The following SLC7A11 variants were observed in gnomAD, a reference collection of about 807,000 sequenced individuals.
The protein encoded by SLC7A11 is solute carrier family 7 member 11, also known as cystine/glutamate transporter.
Under a neutral mutation model 54.5 loss-of-function variants are expected in SLC7A11, and 35 were observed. The observed-to-expected ratio is 0.64, with a 90% CI of 0.49 to 0.85. The LOEUF (loss-of-function observed/expected upper bound fraction) is 0.85, where lower values mean the gene tolerates loss of function less well. SLC7A11 is among the 40% of genes least tolerant of loss of function. The pLI is 0.00. For synonymous variants in SLC7A11, 230 were observed against 225.2 expected (o/e 1.02, Z -0.19); for missense variants, 583 against 618.1 (o/e 0.94, Z 0.60).
Position 138,170,896 on chromosome 4 carries a change from A to C in SLC7A11, c.*1060T>G, listed in dbSNP as rs1736409281. 2 of 152,142 alleles carry C rather than the reference A, an allele frequency of 1.3e-5. No homozygotes were observed. 9.4% of individuals were successfully genotyped at this position (152,142 alleles called of 1,614,324 possible). ...TTCATCTGAAGAGATATTTTAACAGAAGAATATAAAATGTATAAAGAAAAT... is the reference window on the plus strand; with the variant it reads ...TTCATCTGAAGAGATATTTTAACAGCAGAATATAAAATGTATAAAGAAAAT... On this transcript the variant is annotated 3_prime_UTR_variant, in exon 12 of 12. Coordinates refer to ENST00000280612, the MANE Select transcript of SLC7A11 (RefSeq NM_014331.4).
intron 2 of SLC7A11, 70 bp from the exon 3 acceptor site, chr4:138,232,452 C>T: frequency 4.9e-6 from 4 of 819,284 alleles, no homozygotes; most frequent in Non-Finnish European, 8.1e-6. Flanking sequence ...TTTTTTCTAC[C>T]TTGAGTGTAT....
intron 6 of SLC7A11, among the ~76,000 whole-genome samples, chr4:138,198,797 C>G (rs1394172103): frequency 6.6e-6 from 1 of 152,138 alleles, no homozygotes; most frequent in Non-Finnish European, 1.5e-5. Flanking sequence ...GGAATGTTTT[C>G]AATGTCCAAC....
rs1485279139 is a variant in SLC7A11 at position 138,169,763 on chromosome 4, C to T, written c.*2193G>A. ...AGGAATATGAAAGAAATTCTTACCT[C>T]CAGCAACATATCATAGGGAGAGATG... On this transcript the variant is annotated 3_prime_UTR_variant, in exon 12 of 12. Coordinates refer to ENST00000280612, the MANE Select transcript of SLC7A11 (RefSeq NM_014331.4). 6.6e-6 allele frequency: 1 copy of T among 151,800 alleles called. No individual in the cohort carries two copies. Among genetic ancestry groups the T allele is most frequent in the Non-Finnish European group, 1.5e-5 (1 of 67,986 alleles). 9.4% of individuals were successfully genotyped at this position (151,800 alleles called of 1,614,324 possible). A position where few individuals can be genotyped will look rare whatever the true frequency, so the allele number is the denominator to read the frequency against.
chr4:138,241,273 A>T, intron 1 of SLC7A11, among the ~76,000 whole-genome samples: 1 of 152,204 alleles, frequency 6.6e-6, no homozygotes, highest in South Asian at 2.1e-4. Flanking sequence ...TTTTGAAAGG[A>T]TATTAAGAGG....
intron 9 of SLC7A11, 97 bp from the exon 10 acceptor site, chr4:138,180,887 A>G (rs1736725184): frequency 1.9e-6 from 2 of 1,029,884 alleles, no homozygotes; most frequent in South Asian, 3.4e-5. Context: ...TTTTCAAATA[A>G]TTATTTATAC....
chr4:138,184,238 A>G (rs1736820676), intron 7 of SLC7A11, among the ~76,000 whole-genome samples: 1 of 152,108 alleles, frequency 6.6e-6, no homozygotes, highest in South Asian at 2.1e-4. Flanking sequence ...AGTCTTTTTC[A>G]ATGTAGTGAA....
At chr4:138,231,387 C>T (rs1161953306) in intron 3 of SLC7A11, among the ~76,000 whole-genome samples, 9 of 152,184 alleles carry the variant, frequency 5.9e-5, no homozygotes, top group Middle Eastern at 3.4e-3. Context: ...AAGTAAATTA[C>T]AGGCAATACC....
At position 138,223,332 on chromosome 4, in the gene SLC7A11, CAAAT is replaced by C. The variant is rs764021574; in HGVS notation, c.521-12_521-9del. On this transcript the variant is annotated splice_polypyrimidine_tract_variant and intron_variant, in intron 3 of 11. Coordinates refer to ENST00000280612, the MANE Select transcript of SLC7A11 (RefSeq NM_014331.4). ...TTAGGACCATCACTACAGCTGCAAA[CAAAT>C]AGAGGAAGTTACAAAAGGTGAATTC... 7 of 1,611,928 alleles carry C rather than the reference CAAAT, an allele frequency of 4.3e-6. No homozygotes were observed. The highest frequency in any genetic ancestry group is 1.3e-5 in the African/African-American group (1 of 74,908).
intron 6 of SLC7A11, among the ~76,000 whole-genome samples, chr4:138,202,097 A>C (rs1171420411): frequency 6.6e-6 from 1 of 152,120 alleles, no homozygotes. Context: ...GAGAAAAATA[A>C]TGAATCACAT....
chr4:138,178,669 T>A (rs765910559), intron 11 of SLC7A11, among the ~76,000 whole-genome samples: 14 of 151,958 alleles, frequency 9.2e-5, no homozygotes, highest in Admixed American at 5.9e-4. Context: ...AAGTAAAATT[T>A]AAAAAAAATT....
At chr4:138,180,964 A>G (rs1736727241) in intron 9 of SLC7A11, among the ~76,000 whole-genome samples, 174 bp from the exon 10 acceptor site, 1 of 152,116 alleles carries the variant, frequency 6.6e-6, no homozygotes, top group Non-Finnish European at 1.5e-5. Flanking sequence ...TGTTGTCATA[A>G]TCCATTTACA....
chr4:138,203,682 A>T (rs1015439559), intron 6 of SLC7A11, among the ~76,000 whole-genome samples: 1 of 152,140 alleles, frequency 6.6e-6, no homozygotes, highest in African/African-American at 2.4e-5. Context: ...CAAAATAAAC[A>T]TGCAAAATAA....
chr4:138,198,665 A>G (rs2148425712), intron 6 of SLC7A11, among the ~76,000 whole-genome samples: 1 of 152,318 alleles, frequency 6.6e-6, no homozygotes, highest in East Asian at 1.9e-4. Context: ...CCTTTGACAC[A>G]GCAATTCTCT....
At chr4:138,176,068 C>T (rs1199595767) in intron 11 of SLC7A11, 1 of 152,046 alleles carries the variant, frequency 6.6e-6, no homozygotes, top group South Asian at 2.1e-4. Context: ...AGGGACAGGG[C>T]GCTGCTTCAG....
intron 6 of SLC7A11, among the ~76,000 whole-genome samples, chr4:138,190,331 CTGGGGACTA>C (rs1335722750): frequency 6.6e-6 from 1 of 152,020 alleles, no homozygotes; most frequent in Admixed American, 6.6e-5. Flanking sequence ...TAAAGGGAAA[CTGGGGACTA>C]TTTCTTTACA....
rs749284240 is a variant in SLC7A11, at chr4:138,241,891, G to A, written c.179C>T (p.Ala60Val). 2 of 1,614,022 alleles carry A rather than the reference G, an allele frequency of 1.2e-6. No individual in the cohort carries two copies. Among genetic ancestry groups the A allele is most frequent in the Non-Finnish European group, 1.7e-6 (2 of 1,179,952 alleles). The change falls in exon 1 of 12, where the codon GCA becomes GTA. Residue 60 changes from alanine to valine, a missense_variant. Ala to Val is a moderately conservative substitution (Grantham distance 64). Coordinates refer to ENST00000280612, the MANE Select transcript of SLC7A11 (RefSeq NM_014331.4). ...GCCCTTAGGAGAGATGAAGATTCCT[G>A]CTCCAATGATGGTGCCAATGATAAT... ...VSIIIGTIIGAGIFISPKGVL... is the reference protein window; with the variant it reads ...VSIIIGTIIGVGIFISPKGVL...
chr4:138,240,976 T>C (rs1461597543), intron 1 of SLC7A11, among the ~76,000 whole-genome samples: 5 of 152,194 alleles, frequency 3.3e-5, no homozygotes, highest in Admixed American at 2.0e-4. Flanking sequence ...GAAAAATTCA[T>C]AATTATACTT....
intron 11 of SLC7A11, among the ~76,000 whole-genome samples, chr4:138,178,963 T>TA (rs1259239255): frequency 6.6e-6 from 1 of 152,104 alleles, no homozygotes. Context: ...GAACTACTGA[T>TA]AAAATTTCAT....
rs1199218048 is a variant in SLC7A11, at chr4:138,165,906, G to T, written c.*6050C>A. ...TACTTAAAATTGTTGGAGAATTCTG[G>T]TTGTTTGTGCAATAATCATAGTGAT... On this transcript the variant is annotated 3_prime_UTR_variant, in exon 12 of 12. Coordinates refer to ENST00000280612, the MANE Select transcript of SLC7A11 (RefSeq NM_014331.4). The T allele has an allele frequency of 6.6e-6, 1 of 152,130 alleles. No homozygotes were observed. Among genetic ancestry groups the T allele is most frequent in the Non-Finnish European group, 1.5e-5 (1 of 68,020 alleles). 9.4% of individuals were successfully genotyped at this position (152,130 alleles called of 1,614,324 possible).
Sources: allele counts gnomAD v4.1 joint callset (sites outside exome capture counted in the v4.1 genomes callset), GRCh38; gene constraint gnomAD v4.1.1; transcripts MANE v1.5; gene names NCBI Gene and HGNC (gene_info 2026-07-23, HGNC 2026-07-21).